Variants in ARHGAP31 observed in about 807,000 individuals in gnomAD.
ARHGAP31 encodes the protein Rho GTPase activating protein 31.
A neutral mutation model predicts 113.9 loss-of-function variants in ARHGAP31; 34 were observed. The ratio of observed to expected loss-of-function variants is 0.30; its 90% CI spans 0.23 to 0.40. The LOEUF is 0.40. Ranked by LOEUF, ARHGAP31 falls within the 10% of genes least tolerant of loss-of-function variation. The pLI is 1.00. For missense variants in ARHGAP31, 1,548 were observed against 1,767.1 expected (o/e 0.88, Z 2.22); for synonymous variants, 650 against 684.8 (o/e 0.95, Z 0.79).
intron 1 of ARHGAP31, among the ~76,000 whole-genome samples, chr3:119,318,921 TG>T (rs1447852912): frequency 1.3e-5 from 2 of 151,940 alleles, no homozygotes; most frequent in African/African-American, 2.4e-5. Flanking sequence ...TCCAACAACC[TG>T]CCCATTTTTT....
intron 1 of ARHGAP31, among the ~76,000 whole-genome samples, chr3:119,332,682 C>T (rs2079906025): frequency 6.8e-6 from 1 of 147,494 alleles, no homozygotes; most frequent in South Asian, 2.2e-4. Context: ...CACACGCATG[C>T]ACGCACGACT....
intron 1 of ARHGAP31, among the ~76,000 whole-genome samples, chr3:119,315,812 T>G (rs774716070): frequency 6.6e-6 from 1 of 152,192 alleles, no homozygotes; most frequent in Admixed American, 6.5e-5. Flanking sequence ...CAAATTTTAT[T>G]TGGTTTGTAA....
chr3:119,322,454 T>G (rs114607463), intron 1 of ARHGAP31, among the ~76,000 whole-genome samples: 1 of 152,332 alleles, frequency 6.6e-6, no homozygotes, highest in South Asian at 2.1e-4. Flanking sequence ...AGCCCCTTCC[T>G]CCTCCGGGCA....
chr3:119,337,312 C>T lies in ARHGAP31; in HGVS notation c.101-28004C>T, dbSNP rs184296398. Among the ~76,000 whole-genome samples, 75 of 152,256 alleles carry T rather than the reference C, an allele frequency of 4.9e-4. 1 individual carries two copies. In the South Asian group the frequency reaches 6.2e-3, roughly 13 times the overall value. ...CTGCAGACCTTTGCGTTGAGTGTTA[C>T]AGTTCATAAAGTTGGCGCGTCCAGA... On this transcript the variant is annotated intron_variant, in intron 1 of 11. Transcript: ENST00000264245.
At chr3:119,357,473 G>A (rs2080168238) in intron 1 of ARHGAP31, among the ~76,000 whole-genome samples, 1 of 152,128 alleles carries the variant, frequency 6.6e-6, no homozygotes. Context: ...AGGGGGGAGT[G>A]TGGCCAGATT....
intron 1 of ARHGAP31, among the ~76,000 whole-genome samples, chr3:119,362,899 A>G (rs56697438): frequency 0.097 from 14,838 of 152,198 alleles, 946 homozygotes; most frequent in South Asian, 0.24. Context: ...CAGATTATAC[A>G]TTTATATTAT....
At chr3:119,314,310 A>G (rs9834750) in intron 1 of ARHGAP31, 59,470 of 151,884 alleles carry the variant, frequency 0.39, 11,845 homozygotes, top group Non-Finnish European at 0.41. Flanking sequence ...TCCAGAGAAA[A>G]AGTTAGGTGC....
intron 10 of ARHGAP31, among the ~76,000 whole-genome samples, chr3:119,407,858 G>A (rs1020857698): frequency 3.9e-5 from 6 of 152,224 alleles, no homozygotes; most frequent in South Asian, 2.1e-4. Context: ...GTGGGCCCTC[G>A]ACAGTCAAAG....
intron 1 of ARHGAP31, among the ~76,000 whole-genome samples, chr3:119,339,848 T>G (rs1267178014): frequency 6.6e-6 from 1 of 152,126 alleles, no homozygotes; most frequent in Non-Finnish European, 1.5e-5. Context: ...AGGAAAATCC[T>G]TGGAATCTGG....
intron 1 of ARHGAP31, among the ~76,000 whole-genome samples, chr3:119,338,261 C>G (rs2079977147): frequency 6.6e-6 from 1 of 152,132 alleles, no homozygotes; most frequent in Non-Finnish European, 1.5e-5. Flanking sequence ...GGATGTTACT[C>G]CTAGTTGAGT....
intron 1 of ARHGAP31, among the ~76,000 whole-genome samples, chr3:119,331,744 A>T (rs1159630171): frequency 6.6e-6 from 1 of 152,208 alleles, no homozygotes; most frequent in Admixed American, 6.5e-5. Flanking sequence ...CAAGGACAAA[A>T]CAATTTTAGC....
chr3:119,333,789 G>C (rs935592004), intron 1 of ARHGAP31, among the ~76,000 whole-genome samples: 1 of 152,186 alleles, frequency 6.6e-6, no homozygotes, highest in East Asian at 1.9e-4. Context: ...CTGCCTCTTG[G>C]TTCTTCGGGC....
At position 119,359,754 on chromosome 3, in the gene ARHGAP31, G is replaced by A. The variant is rs73857018; in HGVS notation, c.101-5562G>A. ...ATTCTGGGGGGGAAACGCCTAGGAAGTTCTGTACTCACAACCCAGAGAAAT... is the reference window on the plus strand; with the variant it reads ...ATTCTGGGGGGGAAACGCCTAGGAAATTCTGTACTCACAACCCAGAGAAAT... On this transcript the variant is annotated intron_variant, in intron 1 of 11. Transcript: ENST00000264245. 9.1e-3 allele frequency among the ~76,000 whole-genome samples: 1,385 copies of A among 152,232 alleles called. 17 individuals are homozygous for A. Among genetic ancestry groups the A allele is most frequent in the African/African-American group, 0.029 (1,224 of 41,542 alleles).
chr3:119,332,328 T>A (rs2079898045), intron 1 of ARHGAP31, among the ~76,000 whole-genome samples: 1 of 151,926 alleles, frequency 6.6e-6, no homozygotes, highest in Admixed American at 6.6e-5. Context: ...GCCTCCCAAG[T>A]GGCTGGGATT....
At chr3:119,381,754 C>G (rs552839370) in intron 4 of ARHGAP31, among the ~76,000 whole-genome samples, 265 of 152,212 alleles carry the variant, frequency 1.7e-3, no homozygotes, top group African/African-American at 5.1e-3. Flanking sequence ...TTGGGAGGCC[C>G]AGGCGGGCGA....
At chr3:119,350,221 C>T (rs1173491908) in intron 1 of ARHGAP31, among the ~76,000 whole-genome samples, 15 of 152,138 alleles carry the variant, frequency 9.9e-5, no homozygotes, top group Admixed American at 7.9e-4. Context: ...GGCCTGGTAA[C>T]AACAGGAAGC....
chr3:119,343,817 G>A (rs566024557), intron 1 of ARHGAP31, among the ~76,000 whole-genome samples: 1 of 152,356 alleles, frequency 6.6e-6, no homozygotes, highest in South Asian at 2.1e-4. Context: ...GGACACTCCT[G>A]TACATCTAGA....
chr3:119,359,438 G>T (rs114643674), intron 1 of ARHGAP31, among the ~76,000 whole-genome samples: 1 of 151,580 alleles, frequency 6.6e-6, no homozygotes, highest in Non-Finnish European at 1.5e-5. Context: ...TTAGAAAGTG[G>T]TTCATTTGTT....
intron 4 of ARHGAP31, among the ~76,000 whole-genome samples, chr3:119,381,893 A>AGGAG (rs2080401922): frequency 6.6e-6 from 1 of 151,390 alleles, no homozygotes; most frequent in Non-Finnish European, 1.5e-5. Flanking sequence ...GGATGAGGCC[A>AGGAG]GAGAATGGCG....
Sources: allele counts gnomAD v4.1 joint callset (sites outside exome capture counted in the v4.1 genomes callset), GRCh38; gene constraint gnomAD v4.1.1; transcripts MANE v1.5; gene names NCBI Gene and HGNC (gene_info 2026-07-23, HGNC 2026-07-21).